Variants in ALCAM observed in about 807,000 individuals in gnomAD.
The protein encoded by ALCAM is CD166 antigen.
Under a neutral mutation model 70.9 loss-of-function variants are expected in ALCAM, and 30 were observed. That is an observed-to-expected ratio of 0.42 (90% CI 0.32 to 0.57). The LOEUF is 0.57. Ranked by LOEUF, ALCAM falls within the 20% of genes least tolerant of loss-of-function variation. ALCAM has a pLI of 0.11. For synonymous variants in ALCAM, 249 were observed against 242.5 expected, an observed-to-expected ratio of 1.03 and a Z score of -0.25; for missense variants, 591 against 695.1, an observed-to-expected ratio of 0.85 and a Z score of 1.68.
chr3:105,511,313 T>C (rs532988813), intron 1 of ALCAM, among the ~76,000 whole-genome samples: 1 of 152,202 alleles, frequency 6.6e-6, no homozygotes, highest in South Asian at 2.1e-4. Flanking sequence ...TATCTTCAGA[T>C]AGCAGATTAT....
At chr3:105,467,698 A>C (rs1180189123) in intron 1 of ALCAM, among the ~76,000 whole-genome samples, 1 of 151,294 alleles carries the variant, frequency 6.6e-6, no homozygotes, top group East Asian at 1.9e-4. Context: ...CTACATTTTC[A>C]TGTTGGTTCT....
intron 1 of ALCAM, among the ~76,000 whole-genome samples, chr3:105,439,797 C>G (rs900079998): frequency 3.3e-5 from 5 of 152,130 alleles, no homozygotes; most frequent in African/African-American, 1.2e-4. Context: ...AAGGAGTCTT[C>G]CAGGCTGAAG....
chr3:105,420,606 G>A (rs553309157), intron 1 of ALCAM, among the ~76,000 whole-genome samples: 41 of 151,686 alleles, frequency 2.7e-4, no homozygotes, highest in African/African-American at 9.9e-4. Context: ...TTAGCTCACA[G>A]GACATTTATT....
intron 1 of ALCAM, among the ~76,000 whole-genome samples, chr3:105,514,715 A>G (rs1239102158): frequency 6.6e-6 from 1 of 151,924 alleles, no homozygotes; most frequent in Non-Finnish European, 1.5e-5. Flanking sequence ...CCCTCTGAAG[A>G]TTATTCCACA....
At chr3:105,402,364 C>T (rs1181982556) in intron 1 of ALCAM, among the ~76,000 whole-genome samples, 4 of 152,050 alleles carry the variant, frequency 2.6e-5, no homozygotes, top group African/African-American at 9.7e-5. Context: ...AGGAACATAC[C>T]AGGAAAGCAG....
At chr3:105,568,473 G>C (rs1940793312) in intron 14 of ALCAM, among the ~76,000 whole-genome samples, 1 of 152,076 alleles carries the variant, frequency 6.6e-6, no homozygotes, top group South Asian at 2.1e-4. Context: ...AGCACTTCTG[G>C]CTTGGTGAAG....
At chr3:105,369,409 A>C (rs1460275065) in intron 1 of ALCAM, among the ~76,000 whole-genome samples, 1 of 152,182 alleles carries the variant, frequency 6.6e-6, no homozygotes, top group East Asian at 1.9e-4. Flanking sequence ...GGCTCACCGC[A>C]ACCAGCCACC....
chr3:105,487,168 GA>G (rs1384879864), intron 1 of ALCAM, among the ~76,000 whole-genome samples: 2 of 151,916 alleles, frequency 1.3e-5, no homozygotes, highest in African/African-American at 2.4e-5. Flanking sequence ...AACTAACCAT[GA>G]AAAAAATTCT....
intron 4 of ALCAM, among the ~76,000 whole-genome samples, chr3:105,532,620 T>G (rs187669891): frequency 2.1e-4 from 32 of 151,788 alleles, no homozygotes; most frequent in Admixed American, 5.9e-4. Flanking sequence ...AAAAAATATA[T>G]AGAGAGAATG....
chr3:105,394,904 T>C (rs1204495680), intron 1 of ALCAM, among the ~76,000 whole-genome samples: 1 of 151,970 alleles, frequency 6.6e-6, no homozygotes. Flanking sequence ...AGCAGACCTG[T>C]AAGGTTTGGT....
rs564096158 is a variant in ALCAM at position 105,433,475 on chromosome 3, A to G, written c.73+65994A>G. Among the ~76,000 whole-genome samples the G allele has an allele frequency of 7.9e-5, 12 of 152,314 alleles. No individual in the cohort carries two copies. In the South Asian group the frequency reaches 2.5e-3, roughly 32 times the overall value. ...GCTTGACCTTGCTTCTATCACCTTA[A>G]GAAATATATGCACACTCTCAAACAA... On this transcript the variant is annotated intron_variant, in intron 1 of 15. Coordinates refer to ENST00000306107, the MANE Select transcript of ALCAM (RefSeq NM_001627.4).
intron 1 of ALCAM, among the ~76,000 whole-genome samples, chr3:105,393,370 A>G (rs534881284): frequency 6.6e-6 from 1 of 152,000 alleles, no homozygotes; most frequent in Admixed American, 6.6e-5. Flanking sequence ...GTAGAAATAA[A>G]TTTATACATG....
Position 105,413,679 on chromosome 3 carries a change from T to G in ALCAM, c.73+46198T>G, listed in dbSNP as rs571376413. 3.9e-5 allele frequency among the ~76,000 whole-genome samples: 6 copies of G among 152,274 alleles called. No individual in the cohort carries two copies. The South Asian group carries it at 1.2e-3, about 32-fold the overall frequency. On this transcript the variant is annotated intron_variant, in intron 1 of 15. Transcript: ENST00000306107. Reference sequence around the variant, plus strand: ...TAACAATGTCAAGAATCTCCATAGTTGACATAGAACAGACTTAATACTGAA... The same window carrying G: ...TAACAATGTCAAGAATCTCCATAGTGGACATAGAACAGACTTAATACTGAA...
At chr3:105,550,043 A>C in intron 11 of ALCAM, 84 bp from the exon 12 acceptor site, 1 of 1,317,070 alleles carries the variant, frequency 7.6e-7, no homozygotes, top group Non-Finnish European at 1.0e-6. Context: ...CACCACGCCT[A>C]TCCTATTACA....
At chr3:105,480,793 C>G (rs980660116) in intron 1 of ALCAM, among the ~76,000 whole-genome samples, 2 of 152,114 alleles carry the variant, frequency 1.3e-5, no homozygotes, top group Non-Finnish European at 1.5e-5. Context: ...TTTCTGAGAA[C>G]AATTTATCCA....
chr3:105,416,998 T>C (rs2107406990), intron 1 of ALCAM, among the ~76,000 whole-genome samples: 1 of 152,074 alleles, frequency 6.6e-6, no homozygotes, highest in South Asian at 2.1e-4. Flanking sequence ...ATCCTTGATA[T>C]GAGCTATAAT....
At chr3:105,380,228 A>T (rs917166637) in intron 1 of ALCAM, among the ~76,000 whole-genome samples, 1 of 151,866 alleles carries the variant, frequency 6.6e-6, no homozygotes, top group Non-Finnish European at 1.5e-5. Context: ...AGCTAAATTG[A>T]TATTCATCAT....
At chr3:105,418,874 C>A (rs776386024) in intron 1 of ALCAM, among the ~76,000 whole-genome samples, 13 of 151,670 alleles carry the variant, frequency 8.6e-5, no homozygotes, top group Admixed American at 6.6e-4. Context: ...ACACCAAACC[C>A]CAAAACATTT....
chr3:105,503,693 T>A (rs2062433), intron 1 of ALCAM, among the ~76,000 whole-genome samples: 18,625 of 152,190 alleles, frequency 0.12, 1,339 homozygotes, highest in East Asian at 0.24. Context: ...AAGTCCAAAT[T>A]GTTTAAGCTA....
Sources: gnomAD v4.1 joint callset for allele counts (sites outside exome capture counted in the v4.1 genomes callset) on GRCh38, gnomAD v4.1.1 for gene constraint, MANE v1.5 for transcripts, NCBI Gene and HGNC (gene_info 2026-07-23, HGNC 2026-07-21) for gene names.